The following ADAMTS12 variants were observed in gnomAD, a reference collection of about 807,000 sequenced individuals.
ADAMTS12 encodes A disintegrin and metalloproteinase with thrombospondin motifs 12.
In ADAMTS12, 118 loss-of-function variants were observed where a neutral mutation model predicts 167.8. That is an observed-to-expected ratio of 0.70 (90% CI 0.61 to 0.82). The LOEUF is 0.82. ADAMTS12 is among the 40% of genes least tolerant of loss of function. The probability of loss-of-function intolerance (pLI) is 0.00; values close to 1 mark genes in which losing one functional copy is unlikely to be tolerated. For missense variants in ADAMTS12, 1,916 were observed against 1,998.8 expected (o/e 0.96, Z 0.79); for synonymous variants, 704 against 716.9 (o/e 0.98, Z 0.29).
intron 14 of ADAMTS12, 23 bp from the exon 15 acceptor site, chr5:33,616,095 T>C (rs1738993304): frequency 1.2e-6 from 2 of 1,611,438 alleles, no homozygotes; most frequent in Non-Finnish European, 1.7e-6. Flanking sequence ...GACACAATCA[T>C]GAAAGAGGCA....
chr5:33,716,008 A>G (rs1415058480), intron 3 of ADAMTS12, among the ~76,000 whole-genome samples: 2 of 152,146 alleles, frequency 1.3e-5, no homozygotes, highest in African/African-American at 4.8e-5. Flanking sequence ...AACATTATAT[A>G]CTACAAATAA....
chr5:33,601,072 G>A (rs1048698837), intron 16 of ADAMTS12, among the ~76,000 whole-genome samples: 30 of 151,590 alleles, frequency 2.0e-4, no homozygotes, highest in African/African-American at 6.5e-4. Context: ...GACAGCTTGG[G>A]TCTCATGACT....
At chr5:33,551,976 A>G (rs1745270278) in intron 20 of ADAMTS12, among the ~76,000 whole-genome samples, 1 of 152,230 alleles carries the variant, frequency 6.6e-6, no homozygotes, top group Non-Finnish European at 1.5e-5. Context: ...TGCGAACCAG[A>G]CTGACGACAA....
Position 33,546,104 on chromosome 5 carries a change from G to T in ADAMTS12, c.4401C>A (p.Cys1467Ter). 1.2e-6 allele frequency: 2 copies of T among 1,613,826 alleles called. No individual in the cohort carries two copies. The highest frequency in any genetic ancestry group is 1.1e-5 in the South Asian group (1 of 91,058). Reference sequence around the variant, plus strand: ...CCCAGTGACAGCACAGGTGCTCATTGCAAGACATGGTGGATGTGGGTCTTT... The same window carrying T: ...CCCAGTGACAGCACAGGTGCTCATTTCAAGACATGGTGGATGTGGGTCTTT... ...WTKRPTSTMS[C>*]NEHLCCHWAT... Residue 1467 changes from cysteine to a stop codon, truncating the protein, a stop_gained, in exon 22 of 24, where the codon TGC (cysteine) becomes TGA (stop). Transcript: ENST00000504830. LOFTEE classifies it high-confidence loss of function.
At position 33,615,813 on chromosome 5, in the gene ADAMTS12, T is replaced by C; in HGVS notation, c.2388+15A>G. The C allele has an allele frequency of 1.2e-6, 2 of 1,613,718 alleles. No individual in the cohort carries two copies. The highest frequency in any genetic ancestry group is 1.7e-6 in the Non-Finnish European group (2 of 1,179,792). ...CTAGCACACATGTCAGCAGTTTCCC[T>C]CCTTTCTGCATTACCTGGATCCACA... On this transcript the variant is annotated intron_variant, in intron 15 of 23. Coordinates refer to ENST00000504830, the MANE Select transcript of ADAMTS12 (RefSeq NM_030955.4).
intron 19 of ADAMTS12, among the ~76,000 whole-genome samples, chr5:33,573,984 A>G (rs1459264392): frequency 6.6e-6 from 1 of 152,256 alleles, no homozygotes; most frequent in African/African-American, 2.4e-5. Context: ...CAGCCAAAAG[A>G]CACATGAAAA....
chr5:33,802,619 T>C (rs961479803), intron 2 of ADAMTS12, among the ~76,000 whole-genome samples: 1 of 152,186 alleles, frequency 6.6e-6, no homozygotes, highest in African/African-American at 2.4e-5. Context: ...TTTTAAGATT[T>C]CAGGCAACTT....
At chr5:33,569,420 A>G (rs893477556) in intron 19 of ADAMTS12, among the ~76,000 whole-genome samples, 4 of 152,244 alleles carry the variant, frequency 2.6e-5, no homozygotes, top group Non-Finnish European at 5.9e-5. Flanking sequence ...ACGATCAGAC[A>G]GCAGCATTCG....
At chr5:33,635,077 C>T (rs944102639) in intron 12 of ADAMTS12, among the ~76,000 whole-genome samples, 3 of 151,900 alleles carry the variant, frequency 2.0e-5, no homozygotes, top group East Asian at 1.9e-4. Context: ...TTCTATTTAC[C>T]GTGTAGTTTT....
chr5:33,866,771 A>C (rs1391667163), intron 2 of ADAMTS12, among the ~76,000 whole-genome samples: 1 of 152,152 alleles, frequency 6.6e-6, no homozygotes, highest in Non-Finnish European at 1.5e-5. Context: ...ACCCCATCTA[A>C]AAGTGGGCAT....
intron 2 of ADAMTS12, among the ~76,000 whole-genome samples, chr5:33,841,870 G>T (rs1363500625): frequency 6.6e-6 from 1 of 152,184 alleles, no homozygotes; most frequent in African/African-American, 2.4e-5. Flanking sequence ...GCAGACTCAT[G>T]CTTCTCTCCT....
chr5:33,608,538 T>C (rs965011929), intron 16 of ADAMTS12, among the ~76,000 whole-genome samples: 1 of 152,198 alleles, frequency 6.6e-6, no homozygotes, highest in Non-Finnish European at 1.5e-5. Flanking sequence ...TTTGTTGAGA[T>C]GCAGTTCCTT....
chr5:33,550,140 A>G (rs1745185582), intron 20 of ADAMTS12, among the ~76,000 whole-genome samples: 1 of 152,120 alleles, frequency 6.6e-6, no homozygotes, highest in African/African-American at 2.4e-5. Context: ...CAGGTTCACC[A>G]GCAGGCTGCT....
chr5:33,859,871 G>A (rs559024513), intron 2 of ADAMTS12, among the ~76,000 whole-genome samples: 1 of 152,226 alleles, frequency 6.6e-6, no homozygotes, highest in South Asian at 2.1e-4. Context: ...GGCAAACAAG[G>A]TCTGGAGTGG....
chr5:33,597,923 G>C (rs1227626811), intron 16 of ADAMTS12, among the ~76,000 whole-genome samples: 1 of 152,212 alleles, frequency 6.6e-6, no homozygotes, highest in Non-Finnish European at 1.5e-5. Context: ...TCAGATGACT[G>C]TAACAGGTTG....
chr5:33,721,258 G>A (rs757712286), intron 3 of ADAMTS12, among the ~76,000 whole-genome samples: 5 of 152,200 alleles, frequency 3.3e-5, no homozygotes, highest in Non-Finnish European at 7.3e-5. Flanking sequence ...CTGGGAGCTT[G>A]TCATGTTCTG....
chr5:33,664,707 A>G (rs1040890168), intron 5 of ADAMTS12, among the ~76,000 whole-genome samples: 2 of 152,196 alleles, frequency 1.3e-5, no homozygotes, highest in African/African-American at 4.8e-5. Flanking sequence ...GTGGAAATGT[A>G]AATTAGTAGC....
chr5:33,851,368 C>T (rs908930709), intron 2 of ADAMTS12, among the ~76,000 whole-genome samples: 14 of 152,066 alleles, frequency 9.2e-5, no homozygotes, highest in Admixed American at 2.0e-4. Context: ...GCCGAGATCA[C>T]GCCACTGCAC....
chr5:33,622,359 TAAATA>T, intron 14 of ADAMTS12, among the ~76,000 whole-genome samples: 1 of 152,116 alleles, frequency 6.6e-6, no homozygotes, highest in Middle Eastern at 3.4e-3. Context: ...TAAAGAAAAT[TAAATA>T]AAACAGGTTA....
Sources: allele counts gnomAD v4.1 joint callset (sites outside exome capture counted in the v4.1 genomes callset), GRCh38; gene constraint gnomAD v4.1.1; transcripts MANE v1.5; gene names NCBI Gene and HGNC (gene_info 2026-07-23, HGNC 2026-07-21).